SMC6: variants seen among roughly 807,000 people sequenced by gnomAD.
The protein encoded by SMC6 is structural maintenance of chromosomes 6.
SMC6 carries 79 observed loss-of-function variants against 142.2 expected under a neutral mutation model. The ratio of observed to expected loss-of-function variants is 0.56; its 90% confidence interval spans 0.46 to 0.67. The LOEUF (loss-of-function observed/expected upper bound fraction) is 0.67. Ranked by LOEUF, SMC6 falls within the 30% of genes least tolerant of loss-of-function variation. The pLI is 0.00. For synonymous variants in SMC6, 411 were observed against 412.4 expected, an observed-to-expected ratio of 1.00 and a Z score of 0.04; for missense variants, 1,072 against 1,284.0, an observed-to-expected ratio of 0.83 and a Z score of 2.52.
chr2:17,729,038 C>G (rs1485053818), intron 7 of SMC6, among the ~76,000 whole-genome samples: 2 of 152,156 alleles, frequency 1.3e-5, no homozygotes, highest in African/African-American at 4.8e-5. Flanking sequence ...ATGTGAGCCA[C>G]TGCACCCAGC....
At chr2:17,701,086 TC>T (rs1668250494) in intron 20 of SMC6, among the ~76,000 whole-genome samples, 1 of 149,372 alleles carries the variant, frequency 6.7e-6, no homozygotes. Context: ...ATTTAGTCTA[TC>T]AAAAAAAGGA....
intron 16 of SMC6, among the ~76,000 whole-genome samples, chr2:17,709,362 T>C (rs1464893592): frequency 1.3e-5 from 2 of 152,200 alleles, no homozygotes; most frequent in African/African-American, 4.8e-5. Flanking sequence ...AGAAAAGATA[T>C]TCTTATGAAT....
At position 17,736,607 on chromosome 2, in the gene SMC6, G is replaced by T. The variant is rs530387220; in HGVS notation, c.344+1614C>A. On this transcript the variant is annotated intron_variant, in intron 5 of 27. Coordinates refer to ENST00000448223, the MANE Select transcript of SMC6 (RefSeq NM_001142286.2). ...TAATGAACTGTGGCTGAGTGTGGTG[G>T]CTCACACCTGTAATTCCAGCACTTT... Among the ~76,000 whole-genome samples the T allele has an allele frequency of 2.0e-4, 30 of 152,134 alleles. No homozygotes were observed. In the South Asian group the frequency reaches 6.2e-3, roughly 32 times the overall value.
chr2:17,741,224 G>GCTCA (rs1670457098), intron 4 of SMC6, among the ~76,000 whole-genome samples: 5 of 152,140 alleles, frequency 3.3e-5, no homozygotes, highest in Admixed American at 3.3e-4. Flanking sequence ...GCATTTATTG[G>GCTCA]CCACCTGGTG....
At chr2:17,695,434 GTTAT>G in intron 22 of SMC6, 137 bp from the exon 23 acceptor site, 1 of 663,284 alleles carries the variant, frequency 1.5e-6, no homozygotes, top group Non-Finnish European at 2.4e-6. Context: ...TAATATCAAT[GTTAT>G]TTATATTTAT....
intron 2 of SMC6, among the ~76,000 whole-genome samples, chr2:17,748,160 T>C (rs1670850178): frequency 6.6e-6 from 1 of 152,182 alleles, no homozygotes; most frequent in African/African-American, 2.4e-5. Flanking sequence ...TCCTCATATT[T>C]AAAGTGTGGT....
chr2:17,691,562 T>C (rs1469015532), intron 23 of SMC6, among the ~76,000 whole-genome samples: 1 of 151,578 alleles, frequency 6.6e-6, no homozygotes, highest in African/African-American at 2.4e-5. Context: ...ATGGGACGTA[T>C]CTCAAAATAA....
At chr2:17,705,328 G>C (rs536583102) in intron 18 of SMC6, among the ~76,000 whole-genome samples, 1 of 151,924 alleles carries the variant, frequency 6.6e-6, no homozygotes, top group South Asian at 2.1e-4. Context: ...TGTAATCTCA[G>C]CACTTTAGGA....
chr2:17,725,099 C>T (rs958914301), intron 9 of SMC6, among the ~76,000 whole-genome samples, 158 bp downstream of exon 9: 4 of 151,908 alleles, frequency 2.6e-5, no homozygotes, highest in East Asian at 3.9e-4. Context: ...AATTAATACC[C>T]GGAATATAAA....
At chr2:17,713,938 A>C (rs1408289960) in intron 16 of SMC6, among the ~76,000 whole-genome samples, 1 of 152,192 alleles carries the variant, frequency 6.6e-6, no homozygotes, top group Non-Finnish European at 1.5e-5. Context: ...TATTAACATG[A>C]GTTAATTACA....
At chr2:17,702,472 C>T (rs1052633136) in intron 19 of SMC6, among the ~76,000 whole-genome samples, 1 of 152,146 alleles carries the variant, frequency 6.6e-6, no homozygotes, top group African/African-American at 2.4e-5. Context: ...ACATCAGATA[C>T]TTAAAAAATA....
rs865824085 is a variant in SMC6, at chr2:17,716,156, T to TG, written c.1454dup (p.Ala486SerfsTer4). 1 of 1,612,338 alleles carries TG rather than the reference T, an allele frequency of 6.2e-7. No homozygotes were observed. The highest frequency in any genetic ancestry group is 8.5e-7 in the Non-Finnish European group (1 of 1,179,568). On this transcript the variant is annotated frameshift_variant, in exon 15 of 28. Transcript: ENST00000448223. LOFTEE classifies it high-confidence loss of function. ...CATCATCTATGGCTTCAAGAAGAGC[T>TG]GGAACATTAGGGCCAAATCTTTTGA... is the stretch of plus-strand genomic sequence containing the variant.
chr2:17,718,026 T>G (rs1181840571), intron 12 of SMC6, 51 bp downstream of exon 12: 1 of 1,533,188 alleles, frequency 6.5e-7, no homozygotes, highest in East Asian at 2.3e-5. Flanking sequence ...AGAACAGCCT[T>G]TATATTTGCT....
chr2:17,753,321 G>A (rs1276941056), intron 1 of SMC6, among the ~76,000 whole-genome samples: 1 of 152,260 alleles, frequency 6.6e-6, no homozygotes, highest in Admixed American at 6.5e-5. Context: ...GCCCGGGAGA[G>A]TCTGGGGACG....
chr2:17,679,137 A>G, intron 24 of SMC6, 173 bp from the exon 25 acceptor site: 1 of 504,004 alleles, frequency 2.0e-6, no homozygotes, highest in South Asian at 3.3e-5. Flanking sequence ...GTGTCTTTAT[A>G]TTCATTTATG....
At chr2:17,698,418 C>T (rs1307416288) in intron 21 of SMC6, among the ~76,000 whole-genome samples, 3 of 152,004 alleles carry the variant, frequency 2.0e-5, no homozygotes, top group African/African-American at 7.2e-5. Context: ...ATTTGTTGCA[C>T]ACATATTTAG....
chr2:17,747,245 G>A (rs1238563442), intron 2 of SMC6, among the ~76,000 whole-genome samples: 4 of 152,202 alleles, frequency 2.6e-5, no homozygotes, highest in Non-Finnish European at 4.4e-5. Flanking sequence ...TTGCCCAGAG[G>A]TGAGAAGACC....
Position 17,721,132 on chromosome 2 carries a change from T to A in SMC6, c.846+10A>T. The A allele has an allele frequency of 6.2e-7, 1 of 1,610,886 alleles. No homozygotes were observed. The highest frequency in any genetic ancestry group is 8.5e-7 in the Non-Finnish European group (1 of 1,178,490). On this transcript the variant is annotated intron_variant, in intron 10 of 27. Transcript: ENST00000448223. ...ATAGATACGTGAACAAGTAATTAAG[T>A]GATAATTACCACTGCCCAAGCCATT... is the stretch of plus-strand genomic sequence containing the variant.
chr2:17,750,368 T>C (rs1181061197), intron 2 of SMC6, among the ~76,000 whole-genome samples: 1 of 152,268 alleles, frequency 6.6e-6, no homozygotes, highest in East Asian at 1.9e-4. Context: ...AATAACTACA[T>C]ACTTAGCTTT....
Sources: allele counts gnomAD v4.1 joint callset (sites outside exome capture counted in the v4.1 genomes callset), GRCh38; gene constraint gnomAD v4.1.1; transcripts MANE v1.5; gene names NCBI Gene and HGNC (gene_info 2026-07-23, HGNC 2026-07-21).